GLIS3: variants seen among roughly 807,000 people sequenced by gnomAD.
GLIS3 encodes the protein zinc finger protein GLIS3.
GLIS3 carries 53 observed loss-of-function variants against 78.6 expected under a neutral mutation model. That is an observed-to-expected ratio of 0.67 (90% CI 0.54 to 0.85). GLIS3 has a LOEUF of 0.85. Ranked by LOEUF, GLIS3 falls within the 40% of genes least tolerant of loss-of-function variation. The pLI, the probability that GLIS3 is intolerant of heterozygous loss-of-function variation, is 0.00. For missense variants in GLIS3, 1,703 were observed against 1,231.1 expected, an observed-to-expected ratio of 1.38 and a Z score of -5.74; for synonymous variants, 684 against 509.9, an observed-to-expected ratio of 1.34 and a Z score of -4.60.
chr9:4,396,539 G>A, the GLIS3 span, among the ~76,000 whole-genome samples: 1 of 152,172 alleles, frequency 6.6e-6, no homozygotes, highest in African/African-American at 2.4e-5. Context: ...ATTTCTTAGT[G>A]ACAAAATTTC....
intron 2 of GLIS3, among the ~76,000 whole-genome samples, chr9:4,263,406 G>GAGAAAGA (rs1238573222): frequency 2.0e-5 from 3 of 152,218 alleles, no homozygotes; most frequent in Admixed American, 1.3e-4. Context: ...CAGACTAACA[G>GAGAAAGA]AGAAAGAAGA....
intron 2 of GLIS3, among the ~76,000 whole-genome samples, chr9:4,238,638 C>A (rs956350655): frequency 1.3e-5 from 2 of 152,144 alleles, no homozygotes; most frequent in Non-Finnish European, 2.9e-5. Flanking sequence ...TTCTTCATAA[C>A]CAAAAACAAA....
chr9:4,447,104 G>C, the GLIS3 span, among the ~76,000 whole-genome samples: 23 of 151,952 alleles, frequency 1.5e-4, no homozygotes, highest in African/African-American at 5.1e-4. Flanking sequence ...CTGGAATTCA[G>C]TGGCACAATC....
At chr9:4,398,887 C>T in the GLIS3 span, among the ~76,000 whole-genome samples, 1 of 152,288 alleles carries the variant, frequency 6.6e-6, no homozygotes. Context: ...CAGGGTTTCA[C>T]CATATTGGCC....
At chr9:4,326,809 G>T (rs1014268187) in intron 2 of GLIS3, among the ~76,000 whole-genome samples, 1 of 152,204 alleles carries the variant, frequency 6.6e-6, no homozygotes, top group Non-Finnish European at 1.5e-5. Context: ...GAGAAAGGTA[G>T]GTTTGGGGCT....
chr9:3,923,183 A>G (rs911029444), intron 6 of GLIS3, among the ~76,000 whole-genome samples: 1 of 152,200 alleles, frequency 6.6e-6, no homozygotes. Context: ...CACTGTAAAT[A>G]CCTAATTCGT....
intron 8 of GLIS3, among the ~76,000 whole-genome samples, chr9:3,866,410 G>A (rs946415834): frequency 2.2e-4 from 33 of 152,142 alleles, no homozygotes; most frequent in Admixed American, 2.0e-3. Flanking sequence ...GCAGTGAGCC[G>A]AGATCACGCC....
intron 6 of GLIS3, among the ~76,000 whole-genome samples, chr9:3,899,874 G>A (rs556242974): frequency 1.3e-5 from 2 of 152,224 alleles, no homozygotes; most frequent in Non-Finnish European, 2.9e-5. Flanking sequence ...GGTGATAAAT[G>A]CTATGGAGAA....
At chr9:4,452,257 T>C in the GLIS3 span, among the ~76,000 whole-genome samples, 6 of 152,232 alleles carry the variant, frequency 3.9e-5, no homozygotes, top group South Asian at 6.2e-4. Context: ...TTTTGAAAAC[T>C]GGCACAAGAC....
intron 6 of GLIS3, among the ~76,000 whole-genome samples, chr9:3,927,847 A>G (rs1825356596): frequency 6.6e-6 from 1 of 152,234 alleles, no homozygotes; most frequent in South Asian, 2.1e-4. Flanking sequence ...TCAAATCCAA[A>G]TCACTGCTAT....
At position 4,007,427 on chromosome 9, in the gene GLIS3, A is replaced by G. The variant is rs565532651; in HGVS notation, c.1711-70238T>C. ...GTCCCCTTCCTTACCCTGGTACCAGATACATCCCTCTTTCTGAATGTCTTC... is the reference window on the plus strand; with the variant it reads ...GTCCCCTTCCTTACCCTGGTACCAGGTACATCCCTCTTTCTGAATGTCTTC... On this transcript the variant is annotated intron_variant, in intron 4 of 10. Transcript: ENST00000381971. Among the ~76,000 whole-genome samples, 211 of 152,226 alleles carry G rather than the reference A, an allele frequency of 1.4e-3. 1 individual carries two copies. The highest frequency in any genetic ancestry group is 2.3e-3 in the South Asian group (11 of 4,810).
At chr9:4,023,162 C>T (rs985403968) in intron 4 of GLIS3, among the ~76,000 whole-genome samples, 1 of 152,138 alleles carries the variant, frequency 6.6e-6, no homozygotes, top group African/African-American at 2.4e-5. Context: ...TAAAAATATA[C>T]TTAAAAATTT....
At chr9:4,090,182 C>T (rs1444948415) in intron 4 of GLIS3, among the ~76,000 whole-genome samples, 1 of 152,126 alleles carries the variant, frequency 6.6e-6, no homozygotes, top group African/African-American at 2.4e-5. Flanking sequence ...TGGCATTGCC[C>T]CTTCCCTTCT....
chr9:4,295,417 T>C (rs1816392419), intron 1 of GLIS3, among the ~76,000 whole-genome samples: 1 of 152,200 alleles, frequency 6.6e-6, no homozygotes, highest in Admixed American at 6.5e-5. Context: ...AATGCCTCAC[T>C]AATTTCTGCA....
intron 2 of GLIS3, among the ~76,000 whole-genome samples, chr9:4,236,505 C>T (rs1822766830): frequency 6.6e-6 from 1 of 152,028 alleles, no homozygotes; most frequent in Non-Finnish European, 1.5e-5. Flanking sequence ...TTTTTTGTTA[C>T]AGTATTTGCA....
At chr9:4,315,148 T>C (rs1817418738) in intron 2 of GLIS3, among the ~76,000 whole-genome samples, 1 of 152,188 alleles carries the variant, frequency 6.6e-6, no homozygotes, top group South Asian at 2.1e-4. Flanking sequence ...TAATTTTGGA[T>C]CTCAGTTAAT....
chr9:4,088,223 T>C (rs1564029368), intron 4 of GLIS3, among the ~76,000 whole-genome samples: 1 of 152,234 alleles, frequency 6.6e-6, no homozygotes, highest in Non-Finnish European at 1.5e-5. Flanking sequence ...TCGGGGCACC[T>C]GCCACACTTA....
chr9:4,125,494 T>C (rs1172423622), intron 3 of GLIS3, among the ~76,000 whole-genome samples: 1 of 152,078 alleles, frequency 6.6e-6, no homozygotes, highest in African/African-American at 2.4e-5. Context: ...AATTAGGTAT[T>C]CATGTCACTC....
At chr9:4,212,164 A>G (rs2131301992) in intron 2 of GLIS3, among the ~76,000 whole-genome samples, 1 of 152,340 alleles carries the variant, frequency 6.6e-6, no homozygotes, top group African/African-American at 2.4e-5. Flanking sequence ...TGTAAATTAT[A>G]CCTCGATTTT....
Sources: allele counts gnomAD v4.1 joint callset (sites outside exome capture counted in the v4.1 genomes callset), GRCh38; gene constraint gnomAD v4.1.1; transcripts MANE v1.5; gene names NCBI Gene and HGNC (gene_info 2026-07-23, HGNC 2026-07-21).